ARHGAP42: variants seen among roughly 807,000 people sequenced by gnomAD.
ARHGAP42 encodes Rho GTPase activating protein 42.
In ARHGAP42, 63 loss-of-function variants were observed where a neutral mutation model predicts 125.0. The ratio of observed to expected loss-of-function variants is 0.50; its 90% CI spans 0.41 to 0.62. The LOEUF (loss-of-function observed/expected upper bound fraction) is 0.62, where lower values mean the gene tolerates loss of function less well. ARHGAP42 is among the 20% of genes least tolerant of loss of function. The probability of loss-of-function intolerance (pLI) is 0.00; values close to 1 mark genes in which losing one functional copy is unlikely to be tolerated. For synonymous variants in ARHGAP42, 339 were observed against 351.0 expected (o/e 0.97, Z 0.38); for missense variants, 766 against 1,024.2 (o/e 0.75, Z 3.44).
In ARHGAP42 at chr11:100,761,915, C is replaced by T. The variant is rs193274592; in HGVS notation, c.155-8428C>T. Reference sequence around the variant, plus strand: ...AGTCTTGCAGAGGATTAATATCTTCCTTTTGCACATGAGGAGCTTACGATT... The same window carrying T: ...AGTCTTGCAGAGGATTAATATCTTCTTTTTGCACATGAGGAGCTTACGATT... On this transcript the variant is annotated intron_variant, in intron 1 of 23. Transcript: ENST00000298815. Among the ~76,000 whole-genome samples, 1,031 of 152,302 alleles carry T rather than the reference C, an allele frequency of 6.8e-3. 22 individuals carry two copies. Among genetic ancestry groups the T allele is most frequent in the African/African-American group, 0.023 (963 of 41,570 alleles).
intron 4 of ARHGAP42, among the ~76,000 whole-genome samples, chr11:100,889,247 A>G (rs1166444389): frequency 2.6e-5 from 4 of 152,112 alleles, no homozygotes; most frequent in African/African-American, 9.7e-5. Context: ...CCAAATTCTC[A>G]ATCTCCAATG....
chr11:100,951,895 G>C (rs1006557432), intron 12 of ARHGAP42, among the ~76,000 whole-genome samples: 4 of 152,248 alleles, frequency 2.6e-5, no homozygotes, highest in African/African-American at 9.6e-5. Context: ...CCTTGTGACA[G>C]AACCCGTCTC....
chr11:100,866,875 A>C (rs1001205513), intron 4 of ARHGAP42, among the ~76,000 whole-genome samples: 1 of 152,204 alleles, frequency 6.6e-6, no homozygotes, highest in Non-Finnish European at 1.5e-5. Context: ...TTGAAAGTCA[A>C]AATTACTTCT....
intron 2 of ARHGAP42, among the ~76,000 whole-genome samples, chr11:100,775,978 G>A (rs1416693118): frequency 3.3e-5 from 5 of 152,034 alleles, no homozygotes; most frequent in Non-Finnish European, 4.4e-5. Context: ...TGACCAACAT[G>A]GTGAAACCCC....
chr11:100,835,778 T>C (rs1457648808), intron 3 of ARHGAP42, among the ~76,000 whole-genome samples: 2 of 137,652 alleles, frequency 1.5e-5, no homozygotes, highest in East Asian at 2.1e-4. Flanking sequence ...ATATATTCCA[T>C]TGGATCCCCC....
At chr11:100,765,736 C>G (rs1862815068) in intron 1 of ARHGAP42, among the ~76,000 whole-genome samples, 1 of 152,136 alleles carries the variant, frequency 6.6e-6, no homozygotes, top group African/African-American at 2.4e-5. Flanking sequence ...TGTCTGCCTT[C>G]TGCATGGTTG....
chr11:100,955,878 C>G (rs1857791648), intron 12 of ARHGAP42, among the ~76,000 whole-genome samples: 1 of 152,046 alleles, frequency 6.6e-6, no homozygotes. Flanking sequence ...AGCACTGATG[C>G]ATTAAGTATA....
intron 1 of ARHGAP42, among the ~76,000 whole-genome samples, chr11:100,732,410 A>G (rs1306085151): frequency 6.6e-6 from 1 of 152,180 alleles, no homozygotes; most frequent in African/African-American, 2.4e-5. Context: ...GCTTGTGGAA[A>G]CAGTCTATAT....
chr11:100,910,859 T>C (rs1252417538), intron 4 of ARHGAP42, among the ~76,000 whole-genome samples: 1 of 152,050 alleles, frequency 6.6e-6, no homozygotes, highest in Non-Finnish European at 1.5e-5. Context: ...AGATCTTTTT[T>C]TCTGGCCTGG....
chr11:100,901,933 C>T (rs1866564493), intron 4 of ARHGAP42, among the ~76,000 whole-genome samples: 1 of 152,258 alleles, frequency 6.6e-6, no homozygotes, highest in Non-Finnish European at 1.5e-5. Context: ...ACCATCCAAT[C>T]AGTCCCAATG....
chr11:100,741,002 A>C (rs2086517981), intron 1 of ARHGAP42, among the ~76,000 whole-genome samples: 1 of 152,182 alleles, frequency 6.6e-6, no homozygotes, highest in Non-Finnish European at 1.5e-5. Flanking sequence ...TTTGCAGATT[A>C]CATAAAGAGA....
chr11:100,712,327 A>G (rs1861578390), intron 1 of ARHGAP42, among the ~76,000 whole-genome samples: 1 of 152,244 alleles, frequency 6.6e-6, no homozygotes, highest in Admixed American at 6.5e-5. Context: ...AAAGTTTACC[A>G]AATTAGTTAT....
intron 9 of ARHGAP42, among the ~76,000 whole-genome samples, chr11:100,942,227 G>C (rs982888018): frequency 1.3e-5 from 2 of 152,134 alleles, no homozygotes; most frequent in African/African-American, 4.8e-5. Flanking sequence ...GGCTGGAACA[G>C]GCTCAAGGAT....
At chr11:100,694,754 C>T (rs547306069) in intron 1 of ARHGAP42, among the ~76,000 whole-genome samples, 4 of 152,288 alleles carry the variant, frequency 2.6e-5, no homozygotes, top group Admixed American at 6.5e-5. Flanking sequence ...TGAGGCCAGG[C>T]GTGGTGGCTC....
intron 17 of ARHGAP42, among the ~76,000 whole-genome samples, chr11:100,970,841 G>A (rs923420103): frequency 6.6e-6 from 1 of 152,076 alleles, no homozygotes; most frequent in African/African-American, 2.4e-5. Context: ...CTAGATGTCT[G>A]GCTAGTTGGA....
intron 1 of ARHGAP42, among the ~76,000 whole-genome samples, chr11:100,694,415 A>G (rs1273629081): frequency 1.3e-5 from 2 of 152,138 alleles, no homozygotes; most frequent in East Asian, 3.9e-4. Context: ...GGTTGAAGGA[A>G]AGGGGGGTTA....
chr11:100,914,758 C>G (rs1383408348), intron 5 of ARHGAP42, among the ~76,000 whole-genome samples: 1 of 152,178 alleles, frequency 6.6e-6, no homozygotes, highest in Non-Finnish European at 1.5e-5. Flanking sequence ...AAAACCTCCT[C>G]CCTTCCTGAA....
intron 22 of ARHGAP42, among the ~76,000 whole-genome samples, chr11:100,980,556 C>CTTTTTTT (rs1565305665): frequency 4.2e-5 from 1 of 23,544 alleles, no homozygotes; most frequent in African/African-American, 1.8e-4. Flanking sequence ...TCTTTTTCTT[C>CTTTTTTT]TTCTTTTTTT....
At chr11:100,845,175 A>G (rs1865034836) in intron 3 of ARHGAP42, among the ~76,000 whole-genome samples, 1 of 150,362 alleles carries the variant, frequency 6.7e-6, no homozygotes, top group Non-Finnish European at 1.5e-5. Context: ...ACTCAGCCAT[A>G]AAAAGAAGTG....
Sources: gnomAD v4.1 joint callset for allele counts (sites outside exome capture counted in the v4.1 genomes callset) on GRCh38, gnomAD v4.1.1 for gene constraint, MANE v1.5 for transcripts, NCBI Gene and HGNC (gene_info 2026-07-23, HGNC 2026-07-21) for gene names.